The following IL1RAPL2 variants were observed in gnomAD, a reference collection of about 807,000 sequenced individuals.
IL1RAPL2 encodes the protein interleukin 1 receptor accessory protein like 2.
In IL1RAPL2, 3 loss-of-function variants were observed where a neutral mutation model predicts 44.1. The ratio of observed to expected loss-of-function variants is 0.07; its 90% CI spans 0.03 to 0.18. IL1RAPL2 has a LOEUF of 0.18. Among genes scored for constraint, IL1RAPL2 ranks in the 10% least tolerant of loss-of-function variants. The pLI, the probability that IL1RAPL2 is intolerant of heterozygous loss-of-function variation, is 1.00. For synonymous variants in IL1RAPL2, 181 were observed against 178.8 expected (o/e 1.01, Z -0.10); for missense variants, 391 against 496.4 (o/e 0.79, Z 2.02).
chrX:105,465,138 C>A (rs1233232994), intron 5 of IL1RAPL2, among the ~76,000 whole-genome samples: 1 of 112,307 alleles, frequency 8.9e-6, no homozygotes, highest in Non-Finnish European at 1.9e-5. Context: ...CCTTTAACCA[C>A]TATTGTATTG....
At chrX:105,023,927 G>T (rs961643767) in intron 2 of IL1RAPL2, among the ~76,000 whole-genome samples, 1 of 110,662 alleles carries the variant, frequency 9.0e-6, no homozygotes, top group African/African-American at 3.3e-5. Flanking sequence ...AATTCTCAGA[G>T]CCTAAAAGTG....
At chrX:105,163,048 T>C (rs5962470) in intron 2 of IL1RAPL2, among the ~76,000 whole-genome samples, 2,373 of 111,761 alleles carry the variant, frequency 0.021, 60 homozygotes, top group African/African-American at 0.074. Flanking sequence ...CTAGATCAGC[T>C]ATTGCAAAAC....
chrX:105,328,773 C>T (rs953791556), intron 5 of IL1RAPL2, among the ~76,000 whole-genome samples: 1 of 112,178 alleles, frequency 8.9e-6, no homozygotes, highest in Non-Finnish European at 1.9e-5. Context: ...TGTTTAGATA[C>T]ACAAATATTT....
At chrX:104,862,257 C>T (rs1435939767) in intron 2 of IL1RAPL2, among the ~76,000 whole-genome samples, 2 of 111,002 alleles carry the variant, frequency 1.8e-5, no homozygotes, top group Non-Finnish European at 3.8e-5. Context: ...TTATGAGCTT[C>T]TTGCCTTAAA....
At position 104,688,376 on chromosome X, in the gene IL1RAPL2, A is replaced by G. The variant is rs1027229383; in HGVS notation, c.82+29381A>G. ...ATTATGAATTTCAAGAGGGACATGG[A>G]GTATCCTGCTTTTTTTTCCTTCAGA... On this transcript the variant is annotated intron_variant, in intron 2 of 10. Coordinates refer to ENST00000372582, the MANE Select transcript of IL1RAPL2 (RefSeq NM_017416.2). 1.4e-4 allele frequency among the ~76,000 whole-genome samples: 15 copies of G among 111,037 alleles called. No individual in the cohort carries two copies. In the Middle Eastern group the frequency reaches 0.019, roughly 138 times the overall value.
chrX:104,738,036 T>C (rs1932045203), intron 2 of IL1RAPL2, among the ~76,000 whole-genome samples: 1 of 112,241 alleles, frequency 8.9e-6, no homozygotes, highest in African/African-American at 3.2e-5. Context: ...CAGCATTCAG[T>C]CATTGTAATT....
chrX:105,188,688 CA>C (rs2033610477), intron 2 of IL1RAPL2, among the ~76,000 whole-genome samples: 1 of 111,658 alleles, frequency 9.0e-6, no homozygotes, highest in South Asian at 3.8e-4. Context: ...GAAAGGGAAG[CA>C]TATAATCCAA....
In IL1RAPL2 at chrX:105,541,327, G is replaced by A. The variant is rs181904144; in HGVS notation, c.772+56940G>A. On this transcript the variant is annotated intron_variant, in intron 6 of 10. Transcript: ENST00000372582. ...ACATTTGATGGAAGAGATGGCACTTGAGGTGGACTTTTAAGGGTAGGTTAG... is the reference window on the plus strand; with the variant it reads ...ACATTTGATGGAAGAGATGGCACTTAAGGTGGACTTTTAAGGGTAGGTTAG... Among the ~76,000 whole-genome samples, 49 of 110,811 alleles carry A rather than the reference G, an allele frequency of 4.4e-4. 1 individual carries two copies. Among genetic ancestry groups the A allele is most frequent in the African/African-American group, 1.6e-3 (48 of 30,495 alleles).
At chrX:104,586,896 C>A (rs918715449) in intron 1 of IL1RAPL2, among the ~76,000 whole-genome samples, 10 of 111,639 alleles carry the variant, frequency 9.0e-5, no homozygotes, top group Non-Finnish European at 1.1e-4. Flanking sequence ...TTGTGCACCT[C>A]TTCTTTTTTT....
intron 2 of IL1RAPL2, among the ~76,000 whole-genome samples, chrX:104,904,825 G>A (rs1409095437): frequency 8.4e-5 from 9 of 107,038 alleles, no homozygotes; most frequent in Non-Finnish European, 1.5e-4. Flanking sequence ...CCCAGTAATG[G>A]GATGGCTGTG....
At chrX:104,915,349 C>A (rs1483170999) in intron 2 of IL1RAPL2, among the ~76,000 whole-genome samples, 1 of 110,754 alleles carries the variant, frequency 9.0e-6, no homozygotes, top group Admixed American at 9.6e-5. Context: ...TGTTTTTTGG[C>A]TGCATAAATG....
chrX:105,492,626 G>A (rs1175151913), intron 6 of IL1RAPL2, among the ~76,000 whole-genome samples: 1 of 109,125 alleles, frequency 9.2e-6, no homozygotes, highest in Non-Finnish European at 1.9e-5. Context: ...AGTGGCAGTG[G>A]TGGTGGTGGT....
In IL1RAPL2 at chrX:105,081,211, C is replaced by T. The variant is rs771521280; in HGVS notation, c.83-114264C>T. Among the ~76,000 whole-genome samples the T allele has an allele frequency of 5.4e-4, 60 of 111,115 alleles. 1 individual carries two copies. The highest frequency in any genetic ancestry group is 1.9e-3 in the African/African-American group (57 of 30,558). ...TTTCCTATTTAAATACCCTTTATTT[C>T]TTTCTCTTACCTGATTGACCTGGCC... On this transcript the variant is annotated intron_variant, in intron 2 of 10. Transcript: ENST00000372582.
chrX:104,952,355 A>G (rs1925606037), intron 2 of IL1RAPL2, among the ~76,000 whole-genome samples: 1 of 112,039 alleles, frequency 8.9e-6, no homozygotes, highest in Non-Finnish European at 1.9e-5. Context: ...GCACGAGGCC[A>G]AAATAGCATG....
At chrX:105,407,153 T>TAA in intron 5 of IL1RAPL2, 2 of 359,718 alleles carry the variant, frequency 5.6e-6, no homozygotes, top group African/African-American at 5.1e-5. Flanking sequence ...GTAAGGAAAT[T>TAA]AAAAAAAAAA....
At chrX:104,622,814 T>C (rs755253473) in intron 1 of IL1RAPL2, among the ~76,000 whole-genome samples, 1 of 112,380 alleles carries the variant, frequency 8.9e-6, no homozygotes, top group South Asian at 3.7e-4. Context: ...CTCAAAAATG[T>C]AACTTGTCTA....
At chrX:105,025,322 T>G (rs994650793) in intron 2 of IL1RAPL2, among the ~76,000 whole-genome samples, 2 of 111,613 alleles carry the variant, frequency 1.8e-5, no homozygotes, top group East Asian at 2.8e-4. Context: ...AGAACCAGCT[T>G]TTTTGTTTTT....
intron 6 of IL1RAPL2, among the ~76,000 whole-genome samples, chrX:105,558,484 G>T (rs1602466978): frequency 1.8e-5 from 2 of 111,613 alleles, no homozygotes; most frequent in South Asian, 7.4e-4. Context: ...ACTTCCTTTA[G>T]TCCACTCTCA....
In IL1RAPL2 at chrX:105,158,251, G is replaced by A. The variant is rs942214389; in HGVS notation, c.83-37224G>A. Among the ~76,000 whole-genome samples, 4 of 111,649 alleles carry A rather than the reference G, an allele frequency of 3.6e-5. No individual in the cohort carries two copies. The East Asian group carries it at 1.1e-3, about 32-fold the overall frequency. On this transcript the variant is annotated intron_variant, in intron 2 of 10. Transcript: ENST00000372582. ...GGGCGCCTGTAGTCCCAGCTACTCA[G>A]GAGGCTAAGGCAGGAGAATGGCGGG... is the stretch of plus-strand genomic sequence containing the variant.
Sources: allele counts gnomAD v4.1 joint callset (sites outside exome capture counted in the v4.1 genomes callset), GRCh38; gene constraint gnomAD v4.1.1; transcripts MANE v1.5; gene names NCBI Gene and HGNC (gene_info 2026-07-23, HGNC 2026-07-21).